GALNT13: variants seen among roughly 807,000 people sequenced by gnomAD.
GALNT13 encodes the protein UDP-GalNAc:polypeptide N-acetylgalactosaminyltransferase 13.
GALNT13 carries 28 observed loss-of-function variants against 64.2 expected under a neutral mutation model. The observed-to-expected ratio is 0.44, with a 90% CI of 0.32 to 0.60. The LOEUF (loss-of-function observed/expected upper bound fraction) is 0.60. Ranked by LOEUF, GALNT13 falls within the 20% of genes least tolerant of loss-of-function variation. The pLI is 0.05. For missense variants in GALNT13, 577 were observed against 669.8 expected (o/e 0.86, Z 1.53); for synonymous variants, 214 against 224.6 (o/e 0.95, Z 0.42).
At chr2:153,881,730 A>G (rs966629477) in intron 1 of GALNT13, among the ~76,000 whole-genome samples, 2 of 152,170 alleles carry the variant, frequency 1.3e-5, no homozygotes, top group Admixed American at 6.5e-5. Flanking sequence ...TTGAACTTCA[A>G]TTAATCTTTT....
chr2:154,430,008 A>T (rs1409755218), intron 11 of GALNT13, among the ~76,000 whole-genome samples: 2 of 152,154 alleles, frequency 1.3e-5, no homozygotes, highest in Non-Finnish European at 2.9e-5. Flanking sequence ...TTCCTTTTAA[A>T]ATATTACTCC....
chr2:153,244,085 TG>T, the GALNT13 span, among the ~76,000 whole-genome samples: 1 of 151,760 alleles, frequency 6.6e-6, no homozygotes, highest in African/African-American at 2.4e-5. Context: ...GATTTTTGTT[TG>T]TTTTTAAAGT....
the GALNT13 span, among the ~76,000 whole-genome samples, chr2:153,696,074 C>A: frequency 6.6e-6 from 1 of 152,060 alleles, no homozygotes. Context: ...TAAAGTCCCA[C>A]AATAGGCCAT....
At chr2:154,133,545 T>TAA (rs1160484454) in intron 3 of GALNT13, among the ~76,000 whole-genome samples, 2 of 19,004 alleles carry the variant, frequency 1.1e-4, no homozygotes, top group African/African-American at 1.5e-4. Flanking sequence ...TATATATATA[T>TAA]ATATATATAT....
At chr2:153,111,050 G>C in the GALNT13 span, among the ~76,000 whole-genome samples, 218 of 152,124 alleles carry the variant, frequency 1.4e-3, no homozygotes, top group African/African-American at 4.1e-3. Context: ...TGATAGCAGA[G>C]AGACATAGAT....
the GALNT13 span, among the ~76,000 whole-genome samples, chr2:153,570,119 C>G: frequency 2.6e-5 from 4 of 152,084 alleles, no homozygotes; most frequent in African/African-American, 9.7e-5. Flanking sequence ...TATTGCCTGT[C>G]TTTTGGATAA....
At chr2:153,455,404 T>C in the GALNT13 span, among the ~76,000 whole-genome samples, 1 of 152,148 alleles carries the variant, frequency 6.6e-6, no homozygotes, top group East Asian at 1.9e-4. Flanking sequence ...GGATCTCAAC[T>C]CCTCCGCTGA....
At chr2:154,205,691 A>G (rs528045960) in intron 4 of GALNT13, among the ~76,000 whole-genome samples, 2 of 152,292 alleles carry the variant, frequency 1.3e-5, no homozygotes, top group Admixed American at 1.3e-4. Context: ...AGATGCTGGC[A>G]GGCAAAGAGA....
At chr2:153,238,697 A>AT in the GALNT13 span, among the ~76,000 whole-genome samples, 1 of 151,850 alleles carries the variant, frequency 6.6e-6, no homozygotes, top group African/African-American at 2.4e-5. Flanking sequence ...CTATGTGTCC[A>AT]TTTTTATGCC....
At chr2:153,502,277 T>C in the GALNT13 span, among the ~76,000 whole-genome samples, 1 of 152,166 alleles carries the variant, frequency 6.6e-6, no homozygotes, top group Non-Finnish European at 1.5e-5. Flanking sequence ...GTCCATTGTA[T>C]CATTCTTAAG....
the GALNT13 span, among the ~76,000 whole-genome samples, chr2:153,450,943 A>G: frequency 6.6e-6 from 1 of 152,182 alleles, no homozygotes; most frequent in Non-Finnish European, 1.5e-5. Flanking sequence ...GACCTATCTA[A>G]TGTCTCACAG....
intron 3 of GALNT13, among the ~76,000 whole-genome samples, chr2:154,016,449 G>T (rs990982688): frequency 6.6e-6 from 1 of 152,020 alleles, no homozygotes; most frequent in Non-Finnish European, 1.5e-5. Flanking sequence ...ACAGAGTCTC[G>T]CTCTGTCACC....
chr2:154,292,166 C>T (rs147347510), intron 8 of GALNT13, among the ~76,000 whole-genome samples: 7 of 152,050 alleles, frequency 4.6e-5, no homozygotes, highest in African/African-American at 1.7e-4. Context: ...ACGGGTCTTT[C>T]ATCTGGATTT....
At chr2:153,764,063 A>T in the GALNT13 span, among the ~76,000 whole-genome samples, 1 of 152,340 alleles carries the variant, frequency 6.6e-6, no homozygotes, top group East Asian at 1.9e-4. Flanking sequence ...AATGAAGTCC[A>T]GGCTGAGGTG....
intron 9 of GALNT13, among the ~76,000 whole-genome samples, chr2:154,330,620 C>T (rs1360561307): frequency 2.0e-5 from 3 of 152,038 alleles, no homozygotes; most frequent in African/African-American, 7.2e-5. Context: ...TATCCAGGGA[C>T]CAGTGATTTG....
chr2:153,861,863 G>A, the GALNT13 span, among the ~76,000 whole-genome samples: 108,773 of 151,944 alleles, frequency 0.72, 40,569 homozygotes, highest in Non-Finnish European at 0.81. Context: ...ACAGGCATGA[G>A]CCATCGTGCC....
At chr2:154,086,793 C>T (rs553150546) in intron 3 of GALNT13, among the ~76,000 whole-genome samples, 3 of 152,082 alleles carry the variant, frequency 2.0e-5, no homozygotes, top group Admixed American at 2.0e-4. Flanking sequence ...CACGCGCACG[C>T]GATAGGATCC....
chr2:154,040,989 A>G (rs1454885137), intron 3 of GALNT13, among the ~76,000 whole-genome samples: 1 of 140,268 alleles, frequency 7.1e-6, no homozygotes, highest in Non-Finnish European at 1.6e-5. Context: ...GTAGGAAAAC[A>G]TAGCAAACAC....
chr2:153,569,002 G>A, the GALNT13 span, among the ~76,000 whole-genome samples: 1 of 152,074 alleles, frequency 6.6e-6, no homozygotes, highest in Non-Finnish European at 1.5e-5. Context: ...ATTCCACAGT[G>A]CATTTATGCT....
Sources: allele counts gnomAD v4.1 joint callset (sites outside exome capture counted in the v4.1 genomes callset), GRCh38; gene constraint gnomAD v4.1.1; transcripts MANE v1.5; gene names NCBI Gene and HGNC (gene_info 2026-07-23, HGNC 2026-07-21).